The following XDH variants were observed in gnomAD, a reference collection of about 807,000 sequenced individuals.
The protein encoded by XDH is xanthine dehydrogenase/oxidase.
A neutral mutation model predicts 156.1 loss-of-function variants in XDH; 138 were observed. The observed-to-expected ratio is 0.88, with a 90% CI of 0.77 to 1.02. The LOEUF (loss-of-function observed/expected upper bound fraction) is 1.02, where lower values mean the gene tolerates loss of function less well. Among genes scored for constraint, XDH ranks in the 50% least tolerant of loss-of-function variants. The probability of loss-of-function intolerance (pLI) is 0.00; values close to 1 mark genes in which losing one functional copy is unlikely to be tolerated. For synonymous variants in XDH, 669 were observed against 625.7 expected (o/e 1.07, Z -1.03); for missense variants, 1,849 against 1,684.9 (o/e 1.10, Z -1.71).
chr2:31,411,023 G>A (rs948714789), intron 1 of XDH, among the ~76,000 whole-genome samples: 3 of 152,232 alleles, frequency 2.0e-5, no homozygotes, highest in Non-Finnish European at 2.9e-5. Flanking sequence ...GGTGGCTCAC[G>A]CCTGTAATAC....
intron 1 of XDH, among the ~76,000 whole-genome samples, chr2:31,410,804 G>A (rs530575898): frequency 6.6e-6 from 1 of 152,284 alleles, no homozygotes; most frequent in East Asian, 1.9e-4. Flanking sequence ...CTGAGGAGCT[G>A]TTCTAGATTA....
At chr2:31,337,173 T>G (rs903835401) in intron 35 of XDH, among the ~76,000 whole-genome samples, 1 of 152,122 alleles carries the variant, frequency 6.6e-6, no homozygotes, top group Middle Eastern at 3.2e-3. Flanking sequence ...GTGTCCCCAG[T>G]ATCAGAATGG....
chr2:31,387,042 A>C (rs1686629219), intron 8 of XDH, among the ~76,000 whole-genome samples: 1 of 125,144 alleles, frequency 8.0e-6, no homozygotes, highest in Non-Finnish European at 1.7e-5. Flanking sequence ...GAAGGAAGGA[A>C]GGAGTTTGTT....
chr2:31,337,068 A>G (rs757846753), intron 35 of XDH, among the ~76,000 whole-genome samples: 1 of 151,872 alleles, frequency 6.6e-6, no homozygotes, highest in Non-Finnish European at 1.5e-5. Context: ...TTCTTCTACT[A>G]CTTTCTGCCA....
intron 18 of XDH, 68 bp from the exon 19 acceptor site, chr2:31,368,728 G>A: frequency 1.2e-6 from 2 of 1,613,620 alleles, no homozygotes; most frequent in Non-Finnish European, 1.7e-6. Context: ...TTTTTGGATT[G>A]TTCAAAAAGC....
chr2:31,386,638 G>T (rs1686605454), intron 8 of XDH, 83 bp from the exon 9 acceptor site: 1 of 1,555,488 alleles, frequency 6.4e-7, no homozygotes, highest in African/African-American at 1.4e-5. Flanking sequence ...TCCTCAATGG[G>T]ATGTTTTACT....
intron 24 of XDH, among the ~76,000 whole-genome samples, chr2:31,359,941 G>A (rs1685732171): frequency 1.3e-5 from 2 of 152,324 alleles, no homozygotes; most frequent in Admixed American, 6.5e-5. Context: ...GAGGCAAAAT[G>A]AGGTGAAAGA....
At chr2:31,413,577 C>T (rs1558321823) in intron 1 of XDH, among the ~76,000 whole-genome samples, 1 of 152,160 alleles carries the variant, frequency 6.6e-6, no homozygotes, top group Non-Finnish European at 1.5e-5. Context: ...CCTAGGAGTC[C>T]AGTGAAGCAC....
At chr2:31,353,236 G>A (rs1340130662) in intron 24 of XDH, among the ~76,000 whole-genome samples, 1 of 152,142 alleles carries the variant, frequency 6.6e-6, no homozygotes, top group Admixed American at 6.5e-5. Flanking sequence ...ATAATGAGGA[G>A]TACGTAGCTC....
chr2:31,375,474 C>A lies in XDH; in HGVS notation c.1508G>T (p.Gly503Val), dbSNP rs1686220616. 6 of 1,614,092 alleles carry A rather than the reference C, an allele frequency of 3.7e-6. No individual in the cohort carries two copies. The highest frequency in any genetic ancestry group is 5.1e-6 in the Non-Finnish European group (6 of 1,180,050). The change falls in exon 15 of 36, where the codon GGC becomes GTC. Residue 503 changes from glycine to valine, a missense_variant. Physicochemically the swap from Gly to Val is moderately radical, Grantham distance 109 (BLOSUM62 -3). Transcript: ENST00000379416. ...ELHLPPDAPG[G>V]MVDFRCTLTL... ...GAGGGTGCACCGGAAGTCCACCATG[C>A]CACCAGGGGCATCGGGAGGCAGATG...
At position 31,365,988 on chromosome 2, in the gene XDH, A is replaced by T. The variant is rs1186934215; in HGVS notation, c.2444T>A (p.Leu815Gln). The part of the protein sequence containing the change: ...RSTVVSTAVA[L>Q]AAYKTGRPVR... The stretch of plus-strand genomic sequence containing the variant: ...CTTTGGAACTCACTTATATGCAGCC[A>T]GGGCCACTGCCGTGGACACCACAGT... Residue 815 changes from leucine (L) to glutamine (Q), a missense_variant, in exon 22 of 36, where the codon CTG (leucine) becomes CAG (glutamine). By Grantham distance (113) the Leu-to-Gln change is moderately radical (BLOSUM62 -2). Coordinates refer to ENST00000379416, the MANE Select transcript of XDH (RefSeq NM_000379.4). 1 of 1,614,102 alleles carries T rather than the reference A, an allele frequency of 6.2e-7. No homozygotes were observed. The highest frequency in any genetic ancestry group is 8.5e-7 in the Non-Finnish European group (1 of 1,180,046).
At chr2:31,399,905 A>G (rs1687010756) in intron 4 of XDH, among the ~76,000 whole-genome samples, 1 of 152,218 alleles carries the variant, frequency 6.6e-6, no homozygotes, top group Admixed American at 6.5e-5. Flanking sequence ...GCAGTGTGAG[A>G]ATAGACTAAT....
At chr2:31,380,462 C>G (rs1230739402) in intron 12 of XDH, among the ~76,000 whole-genome samples, 1 of 152,234 alleles carries the variant, frequency 6.6e-6, no homozygotes, top group Admixed American at 6.5e-5. Context: ...TGAACCCCTG[C>G]TTTCCTTCTG....
Position 31,340,067 on chromosome 2 carries a change from C to T in XDH, c.3586-390G>A, listed in dbSNP as rs566216039. 3.9e-5 allele frequency among the ~76,000 whole-genome samples: 6 copies of T among 152,330 alleles called. No individual in the cohort carries two copies. The South Asian group carries it at 6.2e-4, about 16-fold the overall frequency. On this transcript the variant is annotated intron_variant, in intron 33 of 35. Transcript: ENST00000379416. ...GAGACTTACCTCCAGCCTTTTTGAA[C>T]GCCCACCCCTGCCTGTCCTCTGGGA...
At chr2:31,371,678 T>TG (rs1553415574) in intron 17 of XDH, among the ~76,000 whole-genome samples, 9 of 152,076 alleles carry the variant, frequency 5.9e-5, no homozygotes, top group African/African-American at 2.2e-4. Context: ...ACACTTTTTT[T>TG]TTTGTTTTCA....
chr2:31,366,937 G>T lies in XDH; in HGVS notation c.2255C>A (p.Ala752Asp). The T allele has an allele frequency of 1.2e-6, 2 of 1,614,250 alleles. No individual in the cohort carries two copies. Among genetic ancestry groups the T allele is most frequent in the Non-Finnish European group, 1.7e-6 (2 of 1,180,042 alleles). The change falls in exon 21 of 36, where the codon GCT (alanine) becomes GAT (aspartate). Residue 752 changes from alanine (A) to aspartate (D), a missense_variant. Ala to Asp is a moderately radical substitution (Grantham distance 126). Transcript: ENST00000379416. ...HFYLETHCTI[A>D]VPKGEAGEME... Reference sequence around the variant, plus strand: ...CTCCCCTGCCTCGCCTTTTGGAACAGCAATGGTGCAGTGAGTCTCCAGGTA... The same window carrying T: ...CTCCCCTGCCTCGCCTTTTGGAACATCAATGGTGCAGTGAGTCTCCAGGTA...
intron 15 of XDH, 79 bp from the exon 16 acceptor site, chr2:31,374,035 C>T: frequency 7.1e-7 from 1 of 1,406,224 alleles, no homozygotes; most frequent in East Asian, 2.5e-5. Context: ...ATAAAAATGA[C>T]CAAACTGATA....
rs755377647 is a variant in XDH at position 31,366,989 on chromosome 2, T to C, written c.2203A>G (p.Ile735Val). ...SEADNVVSGE[I>V]YIGGQEHFYL... ...AAGTGCTCTTGGCCACCGATGTATA[T>C]CTCCCCTGGGGAAGCAGTGAGATCC... Residue 735 changes from isoleucine to valine, a missense_variant, in exon 21 of 36, where the codon ATA becomes GTA. Transcript: ENST00000379416. The C allele has an allele frequency of 6.2e-7, 1 of 1,614,122 alleles. No individual in the cohort carries two copies. The highest frequency in any genetic ancestry group is 1.7e-5 in the Admixed American group (1 of 60,016).
chr2:31,343,285 CATATATATATATATATATATATATAT>C (rs60481824), intron 31 of XDH, among the ~76,000 whole-genome samples: 15 of 68,348 alleles, frequency 2.2e-4, no homozygotes, highest in Middle Eastern at 0.016. Context: ...ATTTCTTCAC[CATATATATATATATATATATATATAT>C]ATATATATAT....
Sources: allele counts gnomAD v4.1 joint callset (sites outside exome capture counted in the v4.1 genomes callset), GRCh38; gene constraint gnomAD v4.1.1; transcripts MANE v1.5; gene names NCBI Gene and HGNC (gene_info 2026-07-23, HGNC 2026-07-21).